Variants in FBXO42 observed in about 807,000 individuals in gnomAD.
The protein encoded by FBXO42 is F-box protein 42, also known as F-box only protein 42.
A neutral mutation model predicts 71.7 loss-of-function variants in FBXO42; 12 were observed. The ratio of observed to expected loss-of-function variants is 0.17; its 90% CI spans 0.11 to 0.27. The LOEUF is 0.27. Among genes scored for constraint, FBXO42 ranks in the 10% least tolerant of loss-of-function variants. The pLI is 1.00. For missense variants in FBXO42, 707 were observed against 911.9 expected (o/e 0.78, Z 2.89); for synonymous variants, 325 against 327.5 (o/e 0.99, Z 0.08).
intron 4 of FBXO42, among the ~76,000 whole-genome samples, chr1:16,279,656 T>G (rs973459238): frequency 6.6e-6 from 1 of 151,968 alleles, no homozygotes; most frequent in Non-Finnish European, 1.5e-5. Flanking sequence ...TAAAATTCAA[T>G]GGAACATCGA....
chr1:16,319,768 G>A (rs574278346), intron 1 of FBXO42, among the ~76,000 whole-genome samples: 7 of 151,600 alleles, frequency 4.6e-5, no homozygotes, highest in African/African-American at 1.5e-4. Context: ...AAAATTAGCC[G>A]GGCATGGTGC....
chr1:16,265,468 G>A (rs867902105), intron 4 of FBXO42, among the ~76,000 whole-genome samples: 1 of 152,062 alleles, frequency 6.6e-6, no homozygotes, highest in Non-Finnish European at 1.5e-5. Context: ...AAATAATACT[G>A]TTTGATGGCC....
intron 6 of FBXO42, among the ~76,000 whole-genome samples, 179 bp downstream of exon 6, chr1:16,255,532 G>A (rs991047416): frequency 1.3e-5 from 2 of 151,966 alleles, no homozygotes; most frequent in African/African-American, 4.8e-5. Flanking sequence ...ATGGGGCTTC[G>A]CCATGTTCGC....
intron 1 of FBXO42, among the ~76,000 whole-genome samples, chr1:16,338,708 C>CT (rs1270178304): frequency 2.0e-5 from 3 of 151,818 alleles, no homozygotes; most frequent in Non-Finnish European, 2.9e-5. Context: ...GCATATAAAC[C>CT]TAGCTTCCCC....
At chr1:16,303,292 G>T (rs541483885) in intron 3 of FBXO42, among the ~76,000 whole-genome samples, 59 of 152,270 alleles carry the variant, frequency 3.9e-4, no homozygotes, top group Middle Eastern at 3.4e-3. Flanking sequence ...TTTCAGACTT[G>T]CAGTATTTCC....
intron 4 of FBXO42, among the ~76,000 whole-genome samples, chr1:16,274,251 G>A (rs2081874577): frequency 6.6e-6 from 1 of 151,786 alleles, no homozygotes; most frequent in Non-Finnish European, 1.5e-5. Context: ...GCTGCGGTGA[G>A]CTATGATAAT....
At chr1:16,287,448 G>C (rs1283624702) in intron 4 of FBXO42, among the ~76,000 whole-genome samples, 1 of 152,120 alleles carries the variant, frequency 6.6e-6, no homozygotes, top group Admixed American at 6.5e-5. Context: ...AGTCTCATTA[G>C]GGCTGAGATG....
intron 1 of FBXO42, among the ~76,000 whole-genome samples, chr1:16,327,178 G>A (rs964821210): frequency 6.6e-6 from 1 of 152,056 alleles, no homozygotes; most frequent in African/African-American, 2.4e-5. Context: ...CCTTACTGAC[G>A]AGGGATGTTA....
intron 1 of FBXO42, among the ~76,000 whole-genome samples, chr1:16,333,557 C>T (rs184357048): frequency 6.6e-6 from 1 of 151,952 alleles, no homozygotes; most frequent in Non-Finnish European, 1.5e-5. Flanking sequence ...CCACTGCACT[C>T]CAGCCTGTGA....
chr1:16,273,954 T>C (rs2081871732), intron 4 of FBXO42, among the ~76,000 whole-genome samples: 1 of 152,146 alleles, frequency 6.6e-6, no homozygotes, highest in Admixed American at 6.6e-5. Flanking sequence ...TACTGACAGA[T>C]GCAACCACAT....
chr1:16,324,278 A>C (rs554717672), intron 1 of FBXO42, among the ~76,000 whole-genome samples: 1 of 152,296 alleles, frequency 6.6e-6, no homozygotes, highest in South Asian at 2.1e-4. Context: ...AAAAACACAA[A>C]AAGAAAAAAT....
chr1:16,260,209 C>CTT (rs35806590), intron 4 of FBXO42, among the ~76,000 whole-genome samples: 11 of 125,414 alleles, frequency 8.8e-5, no homozygotes, highest in African/African-American at 2.3e-4. Context: ...TACTATGCAG[C>CTT]TTTTTTTTTT....
intron 4 of FBXO42, among the ~76,000 whole-genome samples, chr1:16,282,287 G>A (rs539043991): frequency 5.4e-5 from 8 of 149,344 alleles, no homozygotes; most frequent in Non-Finnish European, 7.4e-5. Context: ...GTGCAGTGGC[G>A]CGATCTCGGC....
At chr1:16,324,800 A>G (rs2082437658) in intron 1 of FBXO42, among the ~76,000 whole-genome samples, 1 of 152,218 alleles carries the variant, frequency 6.6e-6, no homozygotes, top group South Asian at 2.1e-4. Flanking sequence ...TGGGTGACAC[A>G]GCAAGACTCC....
At chr1:16,271,168 T>C (rs188933637) in intron 4 of FBXO42, among the ~76,000 whole-genome samples, 36 of 151,810 alleles carry the variant, frequency 2.4e-4, no homozygotes, top group Non-Finnish European at 4.9e-4. Context: ...CAGCAGGCAA[T>C]GAGGTCAGAG....
Position 16,352,429 on chromosome 1 carries a change from ACGC to A in FBXO42, c.-195_-193del, listed in dbSNP as rs531061809. On this transcript the variant is annotated 5_prime_UTR_variant, in exon 1 of 10. Transcript: ENST00000375592. ...GGAGCCGCCATCTTCCTCCACTCAA[ACGC>A]CGCCGCCGCCGCAGCTGCTGCTGCT... 8 of 398,256 alleles carry A rather than the reference ACGC, an allele frequency of 2.0e-5. No homozygotes were observed. The highest frequency in any genetic ancestry group is 2.7e-5 in the Non-Finnish European group (6 of 226,316). 24.7% of individuals were successfully genotyped at this position (398,256 alleles called of 1,614,324 possible).
At chr1:16,328,044 C>T (rs983205501) in intron 1 of FBXO42, among the ~76,000 whole-genome samples, 9 of 152,098 alleles carry the variant, frequency 5.9e-5, no homozygotes, top group Non-Finnish European at 8.8e-5. Flanking sequence ...ATCCAAGTCA[C>T]GCAGCTTATA....
intron 4 of FBXO42, among the ~76,000 whole-genome samples, chr1:16,271,268 T>TGTTG (rs1352057943): frequency 8.4e-6 from 1 of 119,244 alleles, no homozygotes; most frequent in African/African-American, 3.1e-5. Flanking sequence ...GGTGTGTGTG[T>TGTTG]GTGTGTGTGT....
chr1:16,336,721 C>G (rs947232262), intron 1 of FBXO42, among the ~76,000 whole-genome samples: 12 of 151,782 alleles, frequency 7.9e-5, no homozygotes, highest in Admixed American at 2.6e-4. Flanking sequence ...CGGTGGCTCA[C>G]GCCTATAATC....
Sources: allele counts gnomAD v4.1 joint callset (sites outside exome capture counted in the v4.1 genomes callset), GRCh38; gene constraint gnomAD v4.1.1; transcripts MANE v1.5; gene names NCBI Gene and HGNC (gene_info 2026-07-23, HGNC 2026-07-21).